The following SNX18 variants were observed in gnomAD, a reference collection of about 807,000 sequenced individuals.
SNX18 encodes the protein sorting nexin-18.
In SNX18, 35 loss-of-function variants were observed where a neutral mutation model predicts 48.7. The observed-to-expected ratio is 0.72, with a 90% confidence interval of 0.55 to 0.95. The LOEUF is 0.95. SNX18 is among the 40% of genes least tolerant of loss of function. SNX18 has a pLI of 0.00. For synonymous variants in SNX18, 492 were observed against 384.7 expected, an observed-to-expected ratio of 1.28 and a Z score of -3.26; for missense variants, 824 against 871.0, an observed-to-expected ratio of 0.95 and a Z score of 0.68.
chr5:54,603,901 C>G, the SNX18 span, among the ~76,000 whole-genome samples: 6 of 152,190 alleles, frequency 3.9e-5, no homozygotes, highest in Non-Finnish European at 7.4e-5. Flanking sequence ...GACAGCTATC[C>G]TTGCCCTCAA....
the SNX18 span, among the ~76,000 whole-genome samples, chr5:54,593,678 T>G: frequency 1.5e-3 from 235 of 152,344 alleles, no homozygotes; most frequent in African/African-American, 5.3e-3. Flanking sequence ...AGTGTGGTGT[T>G]GGTGAAAGGA....
intron 1 of SNX18, among the ~76,000 whole-genome samples, chr5:54,521,808 T>C (rs1231725748): frequency 2.0e-5 from 3 of 152,310 alleles, no homozygotes; most frequent in East Asian, 3.9e-4. Context: ...GCTCAAGCAA[T>C]CCTTCCAGCT....
At chr5:54,611,398 C>A in the SNX18 span, among the ~76,000 whole-genome samples, 1 of 150,808 alleles carries the variant, frequency 6.6e-6, no homozygotes, top group Non-Finnish European at 1.5e-5. Context: ...ACTCTACAGT[C>A]AAAAAAAAAT....
At chr5:54,632,092 G>T in the SNX18 span, among the ~76,000 whole-genome samples, 2 of 152,174 alleles carry the variant, frequency 1.3e-5, no homozygotes, top group South Asian at 2.1e-4. Flanking sequence ...AAGGTTGAGG[G>T]GTGCATAGCA....
rs908877955 is a variant in SNX18 at position 54,517,982 on chromosome 5, C to G, written c.30C>G (p.Asp10Glu). ...CGCTGCGCGCCCGGGCGCTGTACGACTTCAGGTCGGAGAACCCAGGAGAGA... is the reference window on the plus strand; with the variant it reads ...CGCTGCGCGCCCGGGCGCTGTACGAGTTCAGGTCGGAGAACCCAGGAGAGA... MALRARALY[D>E]FRSENPGEIS... Residue 10 changes from aspartate to glutamate, a missense_variant, in exon 1 of 2, where the codon GAC (aspartate) becomes GAG (glutamate). By Grantham distance (45) the Asp-to-Glu change is conservative. Coordinates refer to ENST00000381410, the MANE Select transcript of SNX18 (RefSeq NM_001102575.2). 2.6e-6 allele frequency: 4 copies of G among 1,537,652 alleles called. No homozygotes were observed. The East Asian group carries it at 1.1e-4, about 41-fold the overall frequency.
the SNX18 span, among the ~76,000 whole-genome samples, chr5:54,557,733 C>T: frequency 6.6e-6 from 1 of 152,010 alleles, no homozygotes; most frequent in Admixed American, 6.6e-5. Flanking sequence ...GACTTGTGCA[C>T]TTAGAAATGA....
At chr5:54,537,086 T>C (rs1182415294) in intron 1 of SNX18, among the ~76,000 whole-genome samples, 1 of 152,154 alleles carries the variant, frequency 6.6e-6, no homozygotes, top group Non-Finnish European at 1.5e-5. Context: ...TCCCAGCAGT[T>C]TGGGAGGCTG....
intron 1 of SNX18, among the ~76,000 whole-genome samples, chr5:54,536,337 A>C (rs1762354528): frequency 6.6e-6 from 1 of 151,938 alleles, no homozygotes; most frequent in Non-Finnish European, 1.5e-5. Flanking sequence ...CCCATTAACT[A>C]GTCATTTACA....
chr5:54,526,808 T>C (rs1762139593), intron 1 of SNX18, among the ~76,000 whole-genome samples: 1 of 152,072 alleles, frequency 6.6e-6, no homozygotes, highest in Admixed American at 6.5e-5. Context: ...TGGTATGTGC[T>C]AGGAGAAAAC....
rs1561124107 is a variant in SNX18 at position 54,545,680 on chromosome 5, C to T, written c.*2248C>T. 3.3e-5 allele frequency: 5 copies of T among 152,100 alleles called. No individual in the cohort carries two copies. Among genetic ancestry groups the T allele is most frequent in the Non-Finnish European group, 5.9e-5 (4 of 68,008 alleles). 9.4% of individuals were successfully genotyped at this position (152,100 alleles called of 1,614,324 possible). A position where few individuals can be genotyped will look rare whatever the true frequency, so the allele number is the denominator to read the frequency against. ...TTTACATTAATTCTATGGGGGAGGA[C>T]ACTAGAATTATTAGTGTTCATTTTC... On this transcript the variant is annotated 3_prime_UTR_variant, in exon 2 of 2. Coordinates refer to ENST00000381410, the MANE Select transcript of SNX18 (RefSeq NM_001102575.2).
chr5:54,592,851 A>G, the SNX18 span, among the ~76,000 whole-genome samples: 2 of 152,208 alleles, frequency 1.3e-5, no homozygotes, highest in African/African-American at 2.4e-5. Context: ...TCTAGGCTGG[A>G]GTGCAGTGGA....
chr5:54,620,669 G>A, the SNX18 span, among the ~76,000 whole-genome samples: 1 of 152,170 alleles, frequency 6.6e-6, no homozygotes, highest in Non-Finnish European at 1.5e-5. Flanking sequence ...GAATTTGGCT[G>A]GTACATTGGT....
chr5:54,611,784 A>G, the SNX18 span, among the ~76,000 whole-genome samples: 1 of 151,740 alleles, frequency 6.6e-6, no homozygotes, highest in Non-Finnish European at 1.5e-5. Flanking sequence ...AAGCAACTTG[A>G]CTGGTTTGAG....
At chr5:54,524,870 C>T (rs1429326894) in intron 1 of SNX18, among the ~76,000 whole-genome samples, 3 of 152,234 alleles carry the variant, frequency 2.0e-5, no homozygotes, top group African/African-American at 7.2e-5. Context: ...CAGCCAGCCT[C>T]GGCAGTTCCT....
At chr5:54,588,241 T>C in the SNX18 span, among the ~76,000 whole-genome samples, 3 of 151,494 alleles carry the variant, frequency 2.0e-5, no homozygotes, top group Non-Finnish European at 2.9e-5. Context: ...TCCTAACAAC[T>C]TAGAAGTCAT....
chr5:54,640,087 T>C, the SNX18 span, among the ~76,000 whole-genome samples: 1 of 152,106 alleles, frequency 6.6e-6, no homozygotes, highest in Non-Finnish European at 1.5e-5. Context: ...CAGTGTGGTG[T>C]CCAATATCTT....
At chr5:54,622,754 T>C in the SNX18 span, among the ~76,000 whole-genome samples, 1 of 151,870 alleles carries the variant, frequency 6.6e-6, no homozygotes, top group East Asian at 1.9e-4. Context: ...TATTAATTTA[T>C]CTAATGTTAA....
the SNX18 span, among the ~76,000 whole-genome samples, chr5:54,556,869 T>C: frequency 6.6e-6 from 1 of 152,236 alleles, no homozygotes; most frequent in Non-Finnish European, 1.5e-5. Context: ...TTGAATATTT[T>C]AATGTTTTAA....
rs1297618397 is a variant in SNX18 at position 54,518,274 on chromosome 5, C to T, written c.322C>T (p.Leu108=). The T allele has an allele frequency of 2.0e-6, 3 of 1,492,534 alleles. No individual in the cohort carries two copies. The highest frequency in any genetic ancestry group is 2.7e-6 in the Non-Finnish European group (3 of 1,126,374). The allele number at this position is 1,492,534 out of a possible 1,614,324, so 92.5% of individuals were successfully genotyped here. ...GCCGCCTGACGCCTTCCAGGCGCTG[C>T]TGCAGCCACAGCAGGCGCCGCCTCC... ...KPPPDAFQAL[L]QPQQAPPPST... Residue 108 remains leucine (L), a synonymous_variant, in exon 1 of 2, where the codon CTG becomes TTG. Coordinates refer to ENST00000381410, the MANE Select transcript of SNX18 (RefSeq NM_001102575.2).
Sources: gnomAD v4.1 joint callset for allele counts (sites outside exome capture counted in the v4.1 genomes callset) on GRCh38, gnomAD v4.1.1 for gene constraint, MANE v1.5 for transcripts, NCBI Gene and HGNC (gene_info 2026-07-23, HGNC 2026-07-21) for gene names.